NCK1: variants seen among roughly 807,000 people sequenced by gnomAD.
NCK1 encodes SH2/SH3 adapter protein NCK1.
In NCK1, 19 loss-of-function variants were observed where a neutral mutation model predicts 36.6. The ratio of observed to expected loss-of-function variants is 0.52; its 90% CI spans 0.36 to 0.76. NCK1 has a LOEUF of 0.76. Among genes scored for constraint, NCK1 ranks in the 30% least tolerant of loss-of-function variants. NCK1 has a pLI of 0.00. For synonymous variants in NCK1, 165 were observed against 156.0 expected (o/e 1.06, Z -0.43); for missense variants, 358 against 445.6 (o/e 0.80, Z 1.77).
chr3:136,889,455 G>A (rs997727272), intron 1 of NCK1, among the ~76,000 whole-genome samples: 5 of 152,094 alleles, frequency 3.3e-5, no homozygotes, highest in Non-Finnish European at 7.3e-5. Flanking sequence ...AGCTCATAAA[G>A]GCAGTGTGGA....
chr3:136,926,748 C>T (rs768284048), intron 1 of NCK1, among the ~76,000 whole-genome samples: 7 of 152,054 alleles, frequency 4.6e-5, no homozygotes, highest in Non-Finnish European at 8.8e-5. Context: ...AGTTTCCAAA[C>T]GTGGTATTTC....
chr3:136,863,378 C>T (rs1304669123), intron 1 of NCK1, among the ~76,000 whole-genome samples: 1 of 152,194 alleles, frequency 6.6e-6, no homozygotes, highest in Non-Finnish European at 1.5e-5. Flanking sequence ...GACTCTCAGC[C>T]TTCGGCGAGG....
At chr3:136,898,518 A>G (rs961254961) in intron 1 of NCK1, among the ~76,000 whole-genome samples, 16 of 152,232 alleles carry the variant, frequency 1.1e-4, no homozygotes, top group African/African-American at 3.1e-4. Context: ...TTATAGAATA[A>G]CCATCTAAAT....
At position 136,893,198 on chromosome 3, in the gene NCK1, A is replaced by ACACACACACACACACACACCATAT. The variant is rs1347213828; in HGVS notation, c.-19+30845_-19+30846insCACACACACACACACACACCATAT. Among the ~76,000 whole-genome samples the ACACACACACACACACACACCATAT allele has an allele frequency of 2.5e-4, 33 of 132,170 alleles. 1 individual carries two copies. Among genetic ancestry groups the ACACACACACACACACACACCATAT allele is most frequent in the East Asian group, 9.5e-4 (4 of 4,190 alleles). 86.7% of individuals were successfully genotyped at this position (132,170 alleles called of 152,430 possible). On this transcript the variant is annotated intron_variant, in intron 1 of 3. Transcript: ENST00000481752. ...TGTGTGTATATATATATATACACACATGTGCAAGTATCTTTTTCGTATAAT... is the reference window on the plus strand; with the variant it reads ...TGTGTGTATATATATATATACACACACACACACACACACACACACCATATTGTGCAAGTATCTTTTTCGTATAAT...
chr3:136,873,345 A>C (rs12637949), intron 1 of NCK1, among the ~76,000 whole-genome samples: 103,812 of 151,942 alleles, frequency 0.68, 35,737 homozygotes, highest in East Asian at 0.87. Context: ...GGCCTTTAAC[A>C]CCTTTGTTCT....
chr3:136,862,867 C>G (rs1195804115), intron 1 of NCK1, among the ~76,000 whole-genome samples: 1 of 138,060 alleles, frequency 7.2e-6, no homozygotes, highest in Non-Finnish European at 1.6e-5. Flanking sequence ...CCCCTCCCCC[C>G]ACCCACCGGC....
chr3:136,917,134 CT>C (rs1327610468), intron 1 of NCK1, among the ~76,000 whole-genome samples: 1 of 151,740 alleles, frequency 6.6e-6, no homozygotes, highest in Non-Finnish European at 1.5e-5. Context: ...GTGGCATGTT[CT>C]GTGTCAAGCT....
intron 1 of NCK1, among the ~76,000 whole-genome samples, chr3:136,917,933 C>G (rs920359706): frequency 7.2e-5 from 11 of 152,198 alleles, no homozygotes; most frequent in African/African-American, 2.7e-4. Flanking sequence ...CTCTATCTTA[C>G]AACCAGTGGG....
intron 1 of NCK1, among the ~76,000 whole-genome samples, chr3:136,872,700 C>G (rs1318342051): frequency 3.9e-5 from 6 of 152,202 alleles, no homozygotes; most frequent in African/African-American, 1.4e-4. Context: ...GAGCCAGACC[C>G]AATGTCCCTG....
At chr3:136,918,223 A>G (rs143317070) in intron 1 of NCK1, among the ~76,000 whole-genome samples, 14 of 152,272 alleles carry the variant, frequency 9.2e-5, no homozygotes, top group Non-Finnish European at 2.9e-5. Flanking sequence ...TATCTAAATA[A>G]TATATACATA....
chr3:136,889,955 A>G (rs1229948780), intron 1 of NCK1, among the ~76,000 whole-genome samples: 2 of 152,196 alleles, frequency 1.3e-5, no homozygotes, highest in African/African-American at 4.8e-5. Flanking sequence ...GATCCCGCAC[A>G]GGGGTTGCAG....
intron 1 of NCK1, among the ~76,000 whole-genome samples, chr3:136,876,241 G>T (rs1938767745): frequency 1.3e-5 from 2 of 152,114 alleles, no homozygotes. Flanking sequence ...ACAATTAAAA[G>T]AACTAGAAAA....
At chr3:136,932,952 T>A (rs1940431955) in intron 2 of NCK1, among the ~76,000 whole-genome samples, 1 of 152,066 alleles carries the variant, frequency 6.6e-6, no homozygotes, top group South Asian at 2.1e-4. Flanking sequence ...AATACTGAAA[T>A]CACTAATAAG....
intron 1 of NCK1, among the ~76,000 whole-genome samples, chr3:136,915,290 G>A (rs1939930403): frequency 6.6e-6 from 1 of 152,208 alleles, no homozygotes; most frequent in African/African-American, 2.4e-5. Context: ...GATTTGGTCT[G>A]TGGGGGGTTG....
chr3:136,934,576 G>A lies in NCK1; in HGVS notation c.226+6349G>A, dbSNP rs142422992. Among the ~76,000 whole-genome samples the A allele has an allele frequency of 9.9e-4, 151 of 151,970 alleles. 2 individuals are homozygous for A. Among genetic ancestry groups the A allele is most frequent in the Middle Eastern group, 3.4e-3 (1 of 294 alleles). ...GCTGGGATTACAGGTGTGCACCACC[G>A]CGCCTGTCCTGTTGTACATATTATT... On this transcript the variant is annotated intron_variant, in intron 2 of 3. Coordinates refer to ENST00000481752, the MANE Select transcript of NCK1 (RefSeq NM_001291999.2).
intron 1 of NCK1, among the ~76,000 whole-genome samples, chr3:136,889,728 C>T (rs1343051295): frequency 6.6e-6 from 1 of 152,182 alleles, no homozygotes; most frequent in Non-Finnish European, 1.5e-5. Flanking sequence ...AGAATGTTGA[C>T]ACAAAGGTTC....
At chr3:136,879,989 T>TAATAAAAAAAAA (rs1553791477) in intron 1 of NCK1, among the ~76,000 whole-genome samples, 3 of 119,508 alleles carry the variant, frequency 2.5e-5, no homozygotes, top group African/African-American at 9.5e-5. Context: ...TAAAGAATAT[T>TAATAAAAAAAAA]AAAAAAAAAA....
intron 1 of NCK1, among the ~76,000 whole-genome samples, chr3:136,891,724 T>C (rs1275586031): frequency 6.6e-6 from 1 of 152,242 alleles, no homozygotes; most frequent in Non-Finnish European, 1.5e-5. Context: ...ATCATTTTTT[T>C]AATAATAACC....
At chr3:136,938,746 A>T (rs2108142947) in intron 2 of NCK1, among the ~76,000 whole-genome samples, 1 of 152,358 alleles carries the variant, frequency 6.6e-6, no homozygotes, top group East Asian at 1.9e-4. Flanking sequence ...AGAGAAACAC[A>T]CATAAAACAG....
Sources: gnomAD v4.1 joint callset for allele counts (sites outside exome capture counted in the v4.1 genomes callset) on GRCh38, gnomAD v4.1.1 for gene constraint, MANE v1.5 for transcripts, NCBI Gene and HGNC (gene_info 2026-07-23, HGNC 2026-07-21) for gene names.